The following HS3ST4 variants were observed in gnomAD, a reference collection of about 807,000 sequenced individuals.
The protein encoded by HS3ST4 is heparan sulfate-glucosamine 3-sulfotransferase 4, also known as heparan sulfate glucosamine 3-O-sulfotransferase 4.
In HS3ST4, 17 loss-of-function variants were observed where a neutral mutation model predicts 29.2. The ratio of observed to expected loss-of-function variants is 0.58; its 90% CI spans 0.40 to 0.87. The LOEUF (loss-of-function observed/expected upper bound fraction) is 0.87. HS3ST4 is among the 40% of genes least tolerant of loss of function. The pLI is 0.00. For synonymous variants in HS3ST4, 314 were observed against 285.7 expected, an observed-to-expected ratio of 1.10 and a Z score of -1.00; for missense variants, 627 against 634.5, an observed-to-expected ratio of 0.99 and a Z score of 0.13.
At chr16:26,038,885 G>A (rs1438407132) in intron 1 of HS3ST4, among the ~76,000 whole-genome samples, 5 of 151,920 alleles carry the variant, frequency 3.3e-5, no homozygotes, top group African/African-American at 1.2e-4. Flanking sequence ...GGGTTTCACT[G>A]TGTTAGCCAG....
At chr16:25,847,273 C>G (rs966105830) in intron 1 of HS3ST4, among the ~76,000 whole-genome samples, 1 of 151,740 alleles carries the variant, frequency 6.6e-6, no homozygotes, top group African/African-American at 2.4e-5. Context: ...TATATTGTAC[C>G]TGGTTCATAA....
chr16:25,834,259 G>T (rs781636021), intron 1 of HS3ST4, among the ~76,000 whole-genome samples: 1 of 152,146 alleles, frequency 6.6e-6, no homozygotes, highest in Non-Finnish European at 1.5e-5. Context: ...ACATTCTTGG[G>T]TCTTATCTCA....
chr16:26,071,874 A>G (rs1448004305), intron 1 of HS3ST4, among the ~76,000 whole-genome samples: 1 of 152,146 alleles, frequency 6.6e-6, no homozygotes, highest in Admixed American at 6.5e-5. Flanking sequence ...CTGTCATGTT[A>G]GCATATAACT....
intron 1 of HS3ST4, among the ~76,000 whole-genome samples, chr16:26,022,707 G>A (rs112027487): frequency 0.011 from 1,611 of 143,946 alleles, 32 homozygotes; most frequent in African/African-American, 0.039. Context: ...AGAGAGTCTT[G>A]CTATGTTGCC....
At chr16:25,895,011 A>T (rs879538632) in intron 1 of HS3ST4, among the ~76,000 whole-genome samples, 1 of 152,170 alleles carries the variant, frequency 6.6e-6, no homozygotes, top group Non-Finnish European at 1.5e-5. Context: ...TTGGTGTGGG[A>T]GACAGATGAG....
chr16:26,005,486 GT>G (rs1969249970), intron 1 of HS3ST4, among the ~76,000 whole-genome samples: 6 of 152,268 alleles, frequency 3.9e-5, no homozygotes, highest in Middle Eastern at 3.4e-3. Context: ...CTTCAGCCTG[GT>G]AATAGGGCTT....
At chr16:26,034,592 G>C (rs945459616) in intron 1 of HS3ST4, among the ~76,000 whole-genome samples, 2 of 147,058 alleles carry the variant, frequency 1.4e-5, no homozygotes, top group African/African-American at 4.9e-5. Context: ...TTGTCCAAAA[G>C]ACATATTCTA....
intron 1 of HS3ST4, among the ~76,000 whole-genome samples, chr16:25,939,928 T>A (rs1316579115): frequency 6.6e-6 from 1 of 152,194 alleles, no homozygotes; most frequent in African/African-American, 2.4e-5. Context: ...ATTTACTGGA[T>A]AAGACTCTGG....
intron 1 of HS3ST4, among the ~76,000 whole-genome samples, chr16:25,743,143 T>C (rs1966665605): frequency 6.6e-6 from 1 of 152,160 alleles, no homozygotes. Flanking sequence ...ACCTTGCATG[T>C]TTCAGTGAGG....
chr16:25,882,188 A>T (rs574672416), intron 1 of HS3ST4, among the ~76,000 whole-genome samples: 1 of 152,326 alleles, frequency 6.6e-6, no homozygotes, highest in African/African-American at 2.4e-5. Flanking sequence ...GCAACCCAGG[A>T]TGAACACATT....
intron 1 of HS3ST4, among the ~76,000 whole-genome samples, chr16:25,961,056 G>A (rs1241853061): frequency 6.6e-6 from 1 of 152,152 alleles, no homozygotes; most frequent in Non-Finnish European, 1.5e-5. Flanking sequence ...AGACTGGCAT[G>A]TTCTGAAATA....
intron 1 of HS3ST4, among the ~76,000 whole-genome samples, chr16:25,751,492 T>A (rs189738102): frequency 1.3e-5 from 2 of 152,176 alleles, no homozygotes; most frequent in Admixed American, 1.3e-4. Context: ...TGGAGTGACA[T>A]TGATTATGTA....
chr16:25,809,864 T>C (rs765869452), intron 1 of HS3ST4, among the ~76,000 whole-genome samples: 10 of 152,130 alleles, frequency 6.6e-5, no homozygotes, highest in Non-Finnish European at 8.8e-5. Flanking sequence ...ATTGGTGACT[T>C]GTGTCTTCTT....
intron 1 of HS3ST4, among the ~76,000 whole-genome samples, chr16:25,704,179 C>T (rs1484402900): frequency 6.6e-6 from 1 of 152,168 alleles, no homozygotes; most frequent in African/African-American, 2.4e-5. Context: ...AAGAAAGAAC[C>T]CTCACATTTC....
At chr16:25,891,078 T>G (rs1455502462) in intron 1 of HS3ST4, among the ~76,000 whole-genome samples, 1 of 152,058 alleles carries the variant, frequency 6.6e-6, no homozygotes, top group African/African-American at 2.4e-5. Flanking sequence ...TGCCTACAGA[T>G]AAGAAGTGGT....
chr16:25,821,002 C>T (rs1270911200), intron 1 of HS3ST4, among the ~76,000 whole-genome samples: 4 of 151,800 alleles, frequency 2.6e-5, no homozygotes, highest in Non-Finnish European at 5.9e-5. Flanking sequence ...CCCCAGAAAG[C>T]TCCTATCAAT....
At chr16:25,712,205 A>G (rs373915243) in intron 1 of HS3ST4, among the ~76,000 whole-genome samples, 13 of 152,178 alleles carry the variant, frequency 8.5e-5, no homozygotes, top group African/African-American at 3.1e-4. Context: ...CACATGAATT[A>G]TAGAAATAAA....
At chr16:25,764,420 G>C (rs1966805755) in intron 1 of HS3ST4, among the ~76,000 whole-genome samples, 1 of 152,182 alleles carries the variant, frequency 6.6e-6, no homozygotes, top group Non-Finnish European at 1.5e-5. Flanking sequence ...ATACAGCCAG[G>C]ACATATCCAA....
intron 1 of HS3ST4, among the ~76,000 whole-genome samples, chr16:26,001,540 G>A (rs1051217430): frequency 7.9e-5 from 12 of 152,116 alleles, no homozygotes; most frequent in Middle Eastern, 3.4e-3. Flanking sequence ...GGTAATTGAT[G>A]TTTTGATGTT....
Sources: allele counts gnomAD v4.1 joint callset (sites outside exome capture counted in the v4.1 genomes callset), GRCh38; gene constraint gnomAD v4.1.1; transcripts MANE v1.5; gene names NCBI Gene and HGNC (gene_info 2026-07-23, HGNC 2026-07-21).